Variants in CNOT6L observed in about 807,000 individuals in gnomAD.
The protein encoded by CNOT6L is CCR4-NOT transcription complex subunit 6 like.
CNOT6L carries 7 observed loss-of-function variants against 64.0 expected under a neutral mutation model. That is an observed-to-expected ratio of 0.11 (90% CI 0.06 to 0.21). The LOEUF is 0.21. Ranked by LOEUF, CNOT6L falls within the 10% of genes least tolerant of loss-of-function variation. CNOT6L has a pLI of 1.00. For synonymous variants in CNOT6L, 193 were observed against 243.4 expected, an observed-to-expected ratio of 0.79 and a Z score of 1.93; for missense variants, 245 against 669.0, an observed-to-expected ratio of 0.37 and a Z score of 6.99.
At chr4:77,726,412 C>T in intron 10 of CNOT6L, 43 bp from the exon 11 acceptor site, 3 of 1,484,864 alleles carry the variant, frequency 2.0e-6, no homozygotes, top group Non-Finnish European at 2.8e-6. Context: ...GCATTTAGAC[C>T]TTACACAAGG....
chr4:77,809,970 G>A (rs1207973463), intron 1 of CNOT6L, among the ~76,000 whole-genome samples: 1 of 151,966 alleles, frequency 6.6e-6, no homozygotes, highest in Non-Finnish European at 1.5e-5. Context: ...TACAAATGAC[G>A]AGTTTCTCAT....
chr4:77,764,028 A>G (rs1462050122), intron 4 of CNOT6L, among the ~76,000 whole-genome samples: 2 of 152,240 alleles, frequency 1.3e-5, no homozygotes, highest in Admixed American at 6.5e-5. Context: ...GAAAGTATGT[A>G]AATCTATAAT....
At chr4:77,732,580 C>G (rs1722564264) in intron 8 of CNOT6L, among the ~76,000 whole-genome samples, 1 of 152,034 alleles carries the variant, frequency 6.6e-6, no homozygotes, top group Non-Finnish European at 1.5e-5. Context: ...TCCTCCAATT[C>G]TGAACGTGTC....
At chr4:77,749,468 G>A (rs1724607189) in intron 5 of CNOT6L, among the ~76,000 whole-genome samples, 1 of 152,090 alleles carries the variant, frequency 6.6e-6, no homozygotes, top group South Asian at 2.1e-4. Context: ...TCTAGCTATT[G>A]GGATCCTTAA....
At chr4:77,798,683 G>A (rs1011699789) in intron 1 of CNOT6L, among the ~76,000 whole-genome samples, 2 of 152,028 alleles carry the variant, frequency 1.3e-5, no homozygotes, top group African/African-American at 4.8e-5. Context: ...AAGTTTGAAG[G>A]TTTCTTAAAA....
chr4:77,749,093 GAAATGTATTCCCTTA>G (rs1724545867), intron 5 of CNOT6L, among the ~76,000 whole-genome samples: 1 of 152,238 alleles, frequency 6.6e-6, no homozygotes, highest in Admixed American at 6.5e-5. Flanking sequence ...TAATGGCTGA[GAAATGTATTCCCTTA>G]AAACAACACT....
At chr4:77,792,417 T>A (rs947746987) in intron 1 of CNOT6L, among the ~76,000 whole-genome samples, 5 of 151,874 alleles carry the variant, frequency 3.3e-5, no homozygotes, top group African/African-American at 1.2e-4. Context: ...ACTGAAAATA[T>A]GAGAAAAATA....
chr4:77,750,595 C>T (rs1809919), intron 5 of CNOT6L, among the ~76,000 whole-genome samples: 78,297 of 151,924 alleles, frequency 0.52, 20,394 homozygotes, highest in Admixed American at 0.54. Flanking sequence ...TCTTGTGATC[C>T]GCCTGCCTCA....
chr4:77,763,964 T>C (rs961007241), intron 4 of CNOT6L, among the ~76,000 whole-genome samples: 2 of 152,218 alleles, frequency 1.3e-5, no homozygotes, highest in African/African-American at 4.8e-5. Flanking sequence ...AAATAGTGTA[T>C]GCAACAAAAA....
intron 7 of CNOT6L, among the ~76,000 whole-genome samples, chr4:77,744,210 C>G (rs1208470857): frequency 6.6e-6 from 1 of 151,974 alleles, no homozygotes; most frequent in Non-Finnish European, 1.5e-5. Context: ...CAGTAAAGTT[C>G]AATTTATAAA....
rs1171296311 is a variant in CNOT6L at position 77,715,560 on chromosome 4, G to A, written c.*4871C>T. On this transcript the variant is annotated 3_prime_UTR_variant, in exon 12 of 12. Coordinates refer to ENST00000504123, the MANE Select transcript of CNOT6L (RefSeq NM_144571.3). ...GGAACTGCCAACTGGGTTAAAGCTT[G>A]GTATTTTCCTGGTTATCACCCTATT... 1 of 152,076 alleles carries A rather than the reference G, an allele frequency of 6.6e-6. No homozygotes were observed. The highest frequency in any genetic ancestry group is 2.4e-5 in the African/African-American group (1 of 41,420). The allele number at this position is 152,076 out of a possible 1,614,324, so 9.4% of individuals were successfully genotyped here.
At chr4:77,810,161 C>G (rs1376755542) in intron 1 of CNOT6L, among the ~76,000 whole-genome samples, 1 of 152,032 alleles carries the variant, frequency 6.6e-6, no homozygotes, top group African/African-American at 2.4e-5. Flanking sequence ...TCAAAGTTAT[C>G]TTAACTTCTG....
At chr4:77,814,397 A>G (rs945813863) in intron 1 of CNOT6L, among the ~76,000 whole-genome samples, 1 of 152,098 alleles carries the variant, frequency 6.6e-6, no homozygotes, top group Non-Finnish European at 1.5e-5. Context: ...AAGTTGTCCA[A>G]AAAAAAGCAA....
rs1162170576 is a variant in CNOT6L, at chr4:77,714,404, C to G, written c.*6027G>C. On this transcript the variant is annotated 3_prime_UTR_variant, in exon 12 of 12. Coordinates refer to ENST00000504123, the MANE Select transcript of CNOT6L (RefSeq NM_144571.3). ...GGTGAATTTGACCAACACCCTGGCC[C>G]TTATAGAGAGAAAAAGTACATACAC... 1 of 132,460 alleles carries G rather than the reference C, an allele frequency of 7.5e-6. No homozygotes were observed. The highest frequency in any genetic ancestry group is 1.6e-5 in the Non-Finnish European group (1 of 62,370). The allele number at this position is 132,460 out of a possible 1,614,324, so 8.2% of individuals were successfully genotyped here. A position where few individuals can be genotyped will look rare whatever the true frequency, so the allele number is the denominator to read the frequency against.
At chr4:77,748,248 G>T (rs1724429791) in intron 6 of CNOT6L, 68 bp downstream of exon 6, 1 of 1,054,448 alleles carries the variant, frequency 9.5e-7, no homozygotes, top group East Asian at 2.4e-5. Flanking sequence ...ATTTATTACA[G>T]ATCATGAAGC....
chr4:77,815,958 G>T (rs973152015), intron 1 of CNOT6L, among the ~76,000 whole-genome samples: 2 of 152,250 alleles, frequency 1.3e-5, no homozygotes, highest in Non-Finnish European at 2.9e-5. Flanking sequence ...TGAAATTTTG[G>T]AATGTATTTA....
At chr4:77,766,799 C>T (rs186612846) in intron 4 of CNOT6L, among the ~76,000 whole-genome samples, 133 of 151,168 alleles carry the variant, frequency 8.8e-4, no homozygotes, top group African/African-American at 3.1e-3. Flanking sequence ...CACGGTGGCT[C>T]ATACCTGTAA....
intron 8 of CNOT6L, among the ~76,000 whole-genome samples, chr4:77,732,208 T>C (rs1366647028): frequency 1.3e-5 from 2 of 152,108 alleles, no homozygotes; most frequent in Non-Finnish European, 2.9e-5. Flanking sequence ...TCTGTGATTA[T>C]AGCTTCTGCA....
chr4:77,719,559 A>T lies in CNOT6L; in HGVS notation c.*872T>A, dbSNP rs543973689. 6.5e-5 allele frequency: 10 copies of T among 152,714 alleles called. No homozygotes were observed. The highest frequency in any genetic ancestry group is 2.4e-4 in the African/African-American group (10 of 41,584). The allele number at this position is 152,714 out of a possible 1,614,324, so 9.5% of individuals were successfully genotyped here. A position where few individuals can be genotyped will look rare whatever the true frequency, so the allele number is the denominator to read the frequency against. ...GCAAAAATGACATAGGTCATATAAC[A>T]TCTGTTTTCCTGGCACAACCAGACA... On this transcript the variant is annotated 3_prime_UTR_variant, in exon 12 of 12. Coordinates refer to ENST00000504123, the MANE Select transcript of CNOT6L (RefSeq NM_144571.3).
Sources: gnomAD v4.1 joint callset for allele counts (sites outside exome capture counted in the v4.1 genomes callset) on GRCh38, gnomAD v4.1.1 for gene constraint, MANE v1.5 for transcripts, NCBI Gene and HGNC (gene_info 2026-07-23, HGNC 2026-07-21) for gene names.